Variants in ALK observed in about 807,000 individuals in gnomAD.
ALK encodes the protein ALK tyrosine kinase receptor.
Under a neutral mutation model 163.1 loss-of-function variants are expected in ALK, and 74 were observed. The ratio of observed to expected loss-of-function variants is 0.45; its 90% CI spans 0.38 to 0.55. The LOEUF is 0.55. Ranked by LOEUF, ALK falls within the 20% of genes least tolerant of loss-of-function variation. ALK has a pLI of 0.00. For synonymous variants in ALK, 960 were observed against 843.2 expected, an observed-to-expected ratio of 1.14 and a Z score of -2.40; for missense variants, 2,063 against 2,105.3, an observed-to-expected ratio of 0.98 and a Z score of 0.39.
rs946740709 is a variant in ALK at position 29,671,433 on chromosome 2, G to A, written c.952+23417C>T. On this transcript the variant is annotated intron_variant, in intron 3 of 28. Transcript: ENST00000389048. ...GAGTAGAGTTTCCATGGCTGGAGAC[G>A]GCAGTCCTACCTTTGCCTATGCCCA... is the stretch of plus-strand genomic sequence containing the variant. Among the ~76,000 whole-genome samples, 4 of 152,012 alleles carry A rather than the reference G, an allele frequency of 2.6e-5. 1 individual carries two copies. Among genetic ancestry groups the A allele is most frequent in the African/African-American group, 4.8e-5 (2 of 41,420 alleles).
At chr2:29,257,700 A>G (rs549146083) in intron 11 of ALK, among the ~76,000 whole-genome samples, 2 of 152,206 alleles carry the variant, frequency 1.3e-5, no homozygotes, top group South Asian at 4.1e-4. Context: ...ATTTTTATTC[A>G]GATCCATAGC....
In ALK at chr2:29,605,383, T is replaced by C. The variant is rs367598247; in HGVS notation, c.953-73267A>G. Among the ~76,000 whole-genome samples, 3 of 152,308 alleles carry C rather than the reference T, an allele frequency of 2.0e-5. No individual in the cohort carries two copies. The East Asian group carries it at 5.8e-4, about 29-fold the overall frequency. ...ATGGCCTTGGGGTTGTGGAGGCCTG[T>C]CATAAATGACCAGGATTGAAAGGGG... On this transcript the variant is annotated intron_variant, in intron 3 of 28. Transcript: ENST00000389048.
At chr2:29,876,062 G>C (rs1666697161) in intron 1 of ALK, among the ~76,000 whole-genome samples, 1 of 152,124 alleles carries the variant, frequency 6.6e-6, no homozygotes, top group South Asian at 2.1e-4. Context: ...AGCAATATGT[G>C]TGTGTGTTGA....
intron 26 of ALK, among the ~76,000 whole-genome samples, chr2:29,200,316 C>T (rs1196325659): frequency 2.0e-5 from 3 of 152,216 alleles, no homozygotes; most frequent in East Asian, 1.9e-4. Context: ...TTATAGCATC[C>T]TTTGAGAGCA....
chr2:29,801,135 C>T (rs1664458329), intron 1 of ALK, among the ~76,000 whole-genome samples: 1 of 152,166 alleles, frequency 6.6e-6, no homozygotes, highest in Non-Finnish European at 1.5e-5. Flanking sequence ...GAATATGCTC[C>T]CCTACCTAGC....
intron 1 of ALK, among the ~76,000 whole-genome samples, chr2:29,862,907 A>T (rs1375097186): frequency 3.3e-5 from 5 of 152,168 alleles, no homozygotes; most frequent in African/African-American, 1.2e-4. Context: ...ATACTGGCAC[A>T]AAAACAGATG....
intron 3 of ALK, among the ~76,000 whole-genome samples, chr2:29,563,160 T>C (rs545153459): frequency 1.3e-5 from 2 of 152,360 alleles, no homozygotes; most frequent in Admixed American, 6.5e-5. Flanking sequence ...TGTCCAAAGA[T>C]AATTCATTTC....
chr2:29,419,015 T>C (rs1669951074), intron 4 of ALK, among the ~76,000 whole-genome samples: 1 of 151,438 alleles, frequency 6.6e-6, no homozygotes. Context: ...TAATCCTATA[T>C]TCTTGTGCGG....
At chr2:29,545,028 C>A (rs7592571) in intron 3 of ALK, among the ~76,000 whole-genome samples, 21,842 of 152,128 alleles carry the variant, frequency 0.14, 1,822 homozygotes, top group East Asian at 0.31. Context: ...TAGAAATCTA[C>A]GAAGGTGTTT....
chr2:29,556,253 G>C (rs1673855923), intron 3 of ALK, among the ~76,000 whole-genome samples: 2 of 152,158 alleles, frequency 1.3e-5, no homozygotes, highest in Admixed American at 1.3e-4. Flanking sequence ...TGTAGGACAA[G>C]GCATGTAGCG....
intron 3 of ALK, among the ~76,000 whole-genome samples, chr2:29,546,834 A>G (rs898699061): frequency 4.6e-5 from 7 of 152,180 alleles, no homozygotes; most frequent in African/African-American, 1.7e-4. Flanking sequence ...GGAGTCTCAT[A>G]AAATCTCAAC....
intron 3 of ALK, among the ~76,000 whole-genome samples, chr2:29,679,090 T>C (rs1220310502): frequency 1.3e-5 from 2 of 152,084 alleles, no homozygotes; most frequent in Admixed American, 1.3e-4. Flanking sequence ...TATCTCTTCC[T>C]GGTGAATTGA....
chr2:29,493,052 T>C (rs149115922), intron 4 of ALK, among the ~76,000 whole-genome samples: 1 of 152,302 alleles, frequency 6.6e-6, no homozygotes, highest in Non-Finnish European at 1.5e-5. Context: ...CAGCTTTTGA[T>C]GAAATCTCTC....
chr2:29,205,866 G>A (rs1352033152), intron 26 of ALK, among the ~76,000 whole-genome samples: 10 of 152,102 alleles, frequency 6.6e-5, no homozygotes, highest in South Asian at 4.2e-4. Context: ...ACCCTCGGGC[G>A]GCCATTACTC....
intron 3 of ALK, among the ~76,000 whole-genome samples, chr2:29,671,756 G>A (rs1003688869): frequency 1.3e-5 from 2 of 152,028 alleles, no homozygotes; most frequent in African/African-American, 2.4e-5. Flanking sequence ...TGAATTTCAA[G>A]TGTTGCTAGT....
chr2:29,238,100 C>T (rs935200128), intron 13 of ALK, among the ~76,000 whole-genome samples: 4 of 152,184 alleles, frequency 2.6e-5, no homozygotes, highest in African/African-American at 9.7e-5. Flanking sequence ...ACAGGAGCTC[C>T]AGTGTGGCCG....
At chr2:29,514,340 G>A (rs1218367612) in intron 4 of ALK, among the ~76,000 whole-genome samples, 2 of 150,358 alleles carry the variant, frequency 1.3e-5, no homozygotes, top group East Asian at 2.0e-4. Context: ...ATGAGTTCAT[G>A]TCCTTTGTAG....
intron 1 of ALK, among the ~76,000 whole-genome samples, chr2:29,895,519 C>T (rs1244185299): frequency 2.0e-5 from 3 of 152,184 alleles, no homozygotes; most frequent in Non-Finnish European, 4.4e-5. Context: ...CCTGGCTATA[C>T]TATGGTCCAG....
chr2:29,451,719 T>A (rs1005535042), intron 4 of ALK, among the ~76,000 whole-genome samples: 1 of 152,184 alleles, frequency 6.6e-6, no homozygotes, highest in African/African-American at 2.4e-5. Flanking sequence ...ATATGAGCTG[T>A]CTGGTACTAT....
Sources: allele counts gnomAD v4.1 joint callset (sites outside exome capture counted in the v4.1 genomes callset), GRCh38; gene constraint gnomAD v4.1.1; transcripts MANE v1.5; gene names NCBI Gene and HGNC (gene_info 2026-07-23, HGNC 2026-07-21).